Variants in F8 observed in about 807,000 individuals in gnomAD.
F8 encodes antihemophilic factor.
F8 carries 12 observed loss-of-function variants against 140.6 expected under a neutral mutation model. The observed-to-expected ratio is 0.09, with a 90% CI of 0.05 to 0.14. The LOEUF is 0.14. Among genes scored for constraint, F8 ranks in the 10% least tolerant of loss-of-function variants. The pLI is 1.00. For missense variants in F8, 1,354 were observed against 1,720.7 expected, an observed-to-expected ratio of 0.79 and a Z score of 3.77; for synonymous variants, 585 against 614.6, an observed-to-expected ratio of 0.95 and a Z score of 0.71.
At chrX:154,847,998 T>A (rs1158368163) in intron 25 of F8, among the ~76,000 whole-genome samples, 1 of 113,008 alleles carries the variant, frequency 8.8e-6, no homozygotes, top group East Asian at 2.8e-4. Context: ...TAGTTTTCCT[T>A]CTAACAGACA....
chrX:154,872,360 T>C (rs189776248), intron 22 of F8, among the ~76,000 whole-genome samples: 7,646 of 111,696 alleles, frequency 0.068, 622 homozygotes, highest in African/African-American at 0.24. Context: ...CATGGAATAC[T>C]ATACAGCCAT....
rs910378446 is a variant in F8, at chrX:154,928,948, C to A, written c.4842G>T (p.Lys1614Asn). ...AAGCGTTCAGGGACAAAATGGTATC[C>A]TTTTTCTTAAAAGCTGTTTTTTCTG... ...KSPEKTAFKK[K>N]DTILSLNACE... Residue 1614 changes from lysine to asparagine, a missense_variant, in exon 14 of 26, where the codon AAG becomes AAT. Physicochemically the swap from Lys to Asn is moderately conservative, Grantham distance 94. This residue lies in a region of F8 where 658 missense variants were observed against 666.5 expected (regional missense o/e 0.99). Transcript: ENST00000360256. 23 of 1,211,374 alleles carry A rather than the reference C, an allele frequency of 1.9e-5. No homozygotes were observed. The highest frequency in any genetic ancestry group is 2.3e-4 in the Middle Eastern group (1 of 4,342).
chrX:154,945,468 T>A (rs1227666240), intron 13 of F8, among the ~76,000 whole-genome samples: 1 of 112,283 alleles, frequency 8.9e-6, no homozygotes, highest in Non-Finnish European at 1.9e-5. Context: ...TGAATCAATG[T>A]GATACATCAT....
intron 1 of F8, among the ~76,000 whole-genome samples, chrX:155,004,736 C>T (rs971693341): frequency 7.2e-5 from 8 of 111,883 alleles, no homozygotes; most frequent in Non-Finnish European, 1.5e-4. Context: ...TCTTACATAA[C>T]ACTGCATCAG....
chrX:154,878,042 C>T (rs1052756715), intron 22 of F8, among the ~76,000 whole-genome samples: 1 of 111,587 alleles, frequency 9.0e-6, no homozygotes, highest in African/African-American at 3.3e-5. Flanking sequence ...TTCTTAAACT[C>T]TTCCAAGAGA....
At chrX:154,841,921 C>T (rs1191045123) in intron 25 of F8, among the ~76,000 whole-genome samples, 1 of 111,568 alleles carries the variant, frequency 9.0e-6, no homozygotes, top group Non-Finnish European at 1.9e-5. Context: ...ATGCTATTAT[C>T]ATAAGATAAT....
chrX:155,010,116 A>G (rs1050509770), intron 1 of F8, among the ~76,000 whole-genome samples: 2 of 112,299 alleles, frequency 1.8e-5, no homozygotes, highest in Non-Finnish European at 3.8e-5. Context: ...ATTTGAGTGA[A>G]TATTTTCCAC....
chrX:154,957,005 G>A lies in F8; in HGVS notation c.1704C>T (p.Gly568=), dbSNP rs782565309. ...MERDLASGLI[G]PLLICYKESV... is the part of the protein sequence containing the mutation. ...ATTCTTTGTAGCAGATGAGGAGAGGGCCAATGAGTCCTGAAGCTAGATCTC... is the reference window on the plus strand; with the variant it reads ...ATTCTTTGTAGCAGATGAGGAGAGGACCAATGAGTCCTGAAGCTAGATCTC... Residue 568 remains glycine, a synonymous_variant, in exon 11 of 26, where the codon GGC becomes GGT. Transcript: ENST00000360256. The A allele has an allele frequency of 1.7e-6, 2 of 1,211,101 alleles. No individual in the cohort carries two copies. The highest frequency in any genetic ancestry group is 2.2e-6 in the Non-Finnish European group (2 of 894,912).
chrX:154,891,997 C>G (rs782433463), intron 22 of F8, among the ~76,000 whole-genome samples: 1 of 111,618 alleles, frequency 9.0e-6, no homozygotes, highest in African/African-American at 3.3e-5. Flanking sequence ...GTGGTTGCCT[C>G]CTCAGGCAAA....
At chrX:154,995,242 G>A (rs1315629337) in intron 3 of F8, among the ~76,000 whole-genome samples, 1 of 111,812 alleles carries the variant, frequency 8.9e-6, no homozygotes, top group African/African-American at 3.3e-5. Context: ...GCAGGGGCGG[G>A]AGCACATGTT....
At chrX:155,001,389 C>T (rs1461371912) in intron 1 of F8, among the ~76,000 whole-genome samples, 3 of 102,526 alleles carry the variant, frequency 2.9e-5, no homozygotes, top group African/African-American at 7.2e-5. Flanking sequence ...ATCCACCTCC[C>T]GGGTTCGAGT....
chrX:154,870,281 G>A (rs1288251577), intron 22 of F8, among the ~76,000 whole-genome samples: 3 of 111,844 alleles, frequency 2.7e-5, no homozygotes, highest in East Asian at 2.8e-4. Flanking sequence ...GATGAACATC[G>A]ATACAAAAAT....
At chrX:154,989,167 A>G (rs2073574367) in intron 4 of F8, among the ~76,000 whole-genome samples, 1 of 112,161 alleles carries the variant, frequency 8.9e-6, no homozygotes, top group African/African-American at 3.2e-5. Flanking sequence ...TACCAGAAGT[A>G]CTGGATTAAA....
chrX:154,970,519 C>CAGTGGG (rs2073450896), intron 6 of F8, among the ~76,000 whole-genome samples: 1 of 111,763 alleles, frequency 8.9e-6, no homozygotes, highest in African/African-American at 3.3e-5. Context: ...ATATTCTCCC[C>CAGTGGG]TCTAAGACTT....
In F8 at chrX:154,859,452, G is replaced by A. The variant is rs782508659; in HGVS notation, c.6900+980C>T. Among the ~76,000 whole-genome samples, 612 of 108,537 alleles carry A rather than the reference G, an allele frequency of 5.6e-3. 7 individuals carry two copies. The highest frequency in any genetic ancestry group is 0.02 in the African/African-American group (584 of 29,735). 94.3% of individuals were successfully genotyped at this position (108,537 alleles called of 115,157 possible). ...CGAGTAGCTGGGACTACAGGCACCC[G>A]CCACCACGCTTGGCTAATTTTTTGT... On this transcript the variant is annotated intron_variant, in intron 25 of 25. Transcript: ENST00000360256.
chrX:154,920,314 A>G (rs2073122301), intron 14 of F8: 1 of 109,963 alleles, frequency 9.1e-6, no homozygotes, highest in South Asian at 3.8e-4. Flanking sequence ...CCTTTTTAAA[A>G]TGTTTTGTGT....
chrX:154,853,314 A>T (rs945309677), intron 25 of F8, among the ~76,000 whole-genome samples: 1 of 111,226 alleles, frequency 9.0e-6, no homozygotes, highest in Non-Finnish European at 1.9e-5. Flanking sequence ...ACTGCCTAAT[A>T]ATGTTGGATA....
chrX:154,997,502 GT>G (rs2073623831), intron 2 of F8, among the ~76,000 whole-genome samples: 1 of 112,364 alleles, frequency 8.9e-6, no homozygotes. Flanking sequence ...GATACTTTCA[GT>G]GTAGTAGTCA....
chrX:154,859,451 C>T (rs112922881), intron 25 of F8, among the ~76,000 whole-genome samples: 8,387 of 108,340 alleles, frequency 0.077, 277 homozygotes, highest in Non-Finnish European at 0.092. Context: ...TACAGGCACC[C>T]GCCACCACGC....
Sources: allele counts gnomAD v4.1 joint callset (sites outside exome capture counted in the v4.1 genomes callset), GRCh38; gene constraint gnomAD v4.1.1; regional missense constraint gnomAD v4.1.1; transcripts MANE v1.5; gene names NCBI Gene and HGNC (gene_info 2026-07-23, HGNC 2026-07-21).